ERBB4: variants seen among roughly 807,000 people sequenced by gnomAD.
ERBB4 encodes the protein erb-b2 receptor tyrosine kinase 4, also known as receptor tyrosine-protein kinase erbB-4.
A neutral mutation model predicts 158.0 loss-of-function variants in ERBB4; 42 were observed. The observed-to-expected ratio is 0.27, with a 90% confidence interval of 0.21 to 0.34. ERBB4 has a LOEUF of 0.34. Among genes scored for constraint, ERBB4 ranks in the 10% least tolerant of loss-of-function variants. The probability of loss-of-function intolerance (pLI) is 1.00; values close to 1 mark genes in which losing one functional copy is unlikely to be tolerated. For synonymous variants in ERBB4, 583 were observed against 558.7 expected (o/e 1.04, Z -0.61); for missense variants, 1,333 against 1,624.1 (o/e 0.82, Z 3.08).
intron 2 of ERBB4, among the ~76,000 whole-genome samples, chr2:211,968,170 T>C (rs963335471): frequency 6.6e-6 from 1 of 152,050 alleles, no homozygotes; most frequent in South Asian, 2.1e-4. Flanking sequence ...TTCTTTCACT[T>C]TTTTCATCTC....
intron 3 of ERBB4, among the ~76,000 whole-genome samples, chr2:211,865,385 T>G (rs1272224050): frequency 6.6e-6 from 1 of 152,184 alleles, no homozygotes; most frequent in Non-Finnish European, 1.5e-5. Context: ...ACTTATTTCT[T>G]GGAGCAGCTA....
chr2:211,386,819 G>T, intron 27 of ERBB4, 34 bp downstream of exon 27: 2 of 1,607,018 alleles, frequency 1.2e-6, no homozygotes, highest in South Asian at 2.2e-5. Flanking sequence ...AGTGAACTTC[G>T]AATGGCGATC....
intron 1 of ERBB4, among the ~76,000 whole-genome samples, chr2:212,191,034 A>ATT (rs200534259): frequency 2.8e-5 from 4 of 144,076 alleles, no homozygotes; most frequent in Admixed American, 1.4e-4. Flanking sequence ...CCCTAAGGGC[A>ATT]TTTTTTTTTT....
intron 1 of ERBB4, among the ~76,000 whole-genome samples, chr2:212,251,914 A>G (rs1457535131): frequency 1.3e-5 from 2 of 151,972 alleles, no homozygotes; most frequent in Admixed American, 6.6e-5. Context: ...TATACTGACA[A>G]TGGATCACAA....
chr2:212,476,944 C>A (rs1689435828), intron 1 of ERBB4, among the ~76,000 whole-genome samples: 1 of 152,066 alleles, frequency 6.6e-6, no homozygotes, highest in Admixed American at 6.6e-5. Flanking sequence ...AGCTTCTGTT[C>A]TTTTCATAAT....
chr2:211,550,454 G>A (rs1199036693), intron 20 of ERBB4, among the ~76,000 whole-genome samples: 3 of 151,196 alleles, frequency 2.0e-5, no homozygotes, highest in Non-Finnish European at 2.9e-5. Flanking sequence ...AGGAAATGAC[G>A]AGGAAAATTT....
chr2:212,266,177 T>C (rs62182622), intron 1 of ERBB4, among the ~76,000 whole-genome samples: 30,693 of 151,664 alleles, frequency 0.2, 4,149 homozygotes, highest in Non-Finnish European at 0.29. Flanking sequence ...TGAAATTCCT[T>C]TCATTTTCTT....
chr2:211,426,960 T>TA (rs1245888043), intron 22 of ERBB4, among the ~76,000 whole-genome samples: 1 of 152,026 alleles, frequency 6.6e-6, no homozygotes, highest in Non-Finnish European at 1.5e-5. Context: ...ATACACTTCT[T>TA]ACAATAGTTT....
chr2:211,804,020 C>G (rs1261622781), intron 3 of ERBB4, among the ~76,000 whole-genome samples: 1 of 152,132 alleles, frequency 6.6e-6, no homozygotes, highest in East Asian at 1.9e-4. Flanking sequence ...GTAGAATAAG[C>G]GTCTGGCTAT....
chr2:211,817,435 T>C (rs1265766087), intron 3 of ERBB4, among the ~76,000 whole-genome samples: 1 of 152,228 alleles, frequency 6.6e-6, no homozygotes, highest in African/African-American at 2.4e-5. Flanking sequence ...GTTATTACTC[T>C]ACTCAATATC....
At position 211,387,975 on chromosome 2, in the gene ERBB4, G is replaced by A. The variant is rs2125322787; in HGVS notation, c.3153C>T (p.Ser1051=). 6.2e-7 allele frequency: 1 copy of A among 1,606,690 alleles called. No homozygotes were observed. Among genetic ancestry groups the A allele is most frequent in the Non-Finnish European group, 8.5e-7 (1 of 1,173,422 alleles). Residue 1051 remains serine, a synonymous_variant, in exon 26 of 28, where the codon AGC becomes AGT. Coordinates refer to ENST00000342788, the MANE Select transcript of ERBB4 (RefSeq NM_005235.3). ...IDSNRSEIGH[S]PPPAYTPMSG... Reference sequence around the variant, plus strand: ...ACATGGGGGTGTAGGCAGGAGGAGGGCTGTGTCCAATTTCACTCTAATAGG... The same window carrying A: ...ACATGGGGGTGTAGGCAGGAGGAGGACTGTGTCCAATTTCACTCTAATAGG...
intron 2 of ERBB4, among the ~76,000 whole-genome samples, chr2:212,027,010 G>A (rs947411765): frequency 1.3e-5 from 2 of 151,734 alleles, no homozygotes; most frequent in African/African-American, 2.4e-5. Context: ...ATAATAATTT[G>A]TAATATTTGT....
chr2:211,823,439 A>G (rs1402599551), intron 3 of ERBB4, among the ~76,000 whole-genome samples: 1 of 151,938 alleles, frequency 6.6e-6, no homozygotes, highest in Non-Finnish European at 1.5e-5. Flanking sequence ...TGAAAAATAT[A>G]AAATATTCAT....
intron 20 of ERBB4, among the ~76,000 whole-genome samples, chr2:211,524,010 C>A (rs1031885024): frequency 1.3e-5 from 2 of 152,074 alleles, no homozygotes; most frequent in African/African-American, 2.4e-5. Context: ...AAGGCCCCAC[C>A]AGAATAGGTA....
chr2:211,487,793 C>A (rs74654817), intron 20 of ERBB4, among the ~76,000 whole-genome samples: 7 of 151,888 alleles, frequency 4.6e-5, no homozygotes, highest in Admixed American at 4.6e-4. Context: ...TAAAGGGCTG[C>A]GGGGGTTATG....
rs572074893 is a variant in ERBB4 at position 212,279,096 on chromosome 2, A to G, written c.83-154193T>C. On this transcript the variant is annotated intron_variant, in intron 1 of 27. Transcript: ENST00000342788. ...TTTGTGTGTATTTTTAATGCAACAT[A>G]ATTTGCTTAATTTTAAAATAAATAT... is the stretch of plus-strand genomic sequence containing the variant. 3.3e-5 allele frequency among the ~76,000 whole-genome samples: 5 copies of G among 151,706 alleles called. No homozygotes were observed. In the South Asian group the frequency reaches 1.0e-3, roughly 32 times the overall value.
At chr2:211,833,905 C>T (rs546334745) in intron 3 of ERBB4, among the ~76,000 whole-genome samples, 6 of 152,012 alleles carry the variant, frequency 3.9e-5, no homozygotes, top group African/African-American at 1.4e-4. Context: ...GTAGATCTGC[C>T]TGGTTGAACT....
chr2:211,676,503 A>G (rs1202396181), intron 13 of ERBB4, among the ~76,000 whole-genome samples: 1 of 152,200 alleles, frequency 6.6e-6, no homozygotes, highest in East Asian at 1.9e-4. Context: ...CATGTTTATA[A>G]ATTTCATATT....
intron 20 of ERBB4, among the ~76,000 whole-genome samples, chr2:211,507,058 G>A (rs565006867): frequency 3.6e-4 from 54 of 151,812 alleles, no homozygotes; most frequent in Non-Finnish European, 7.2e-4. Flanking sequence ...TGTAAAATAC[G>A]ATCAGAGATT....
Sources: gnomAD v4.1 joint callset for allele counts (sites outside exome capture counted in the v4.1 genomes callset) on GRCh38, gnomAD v4.1.1 for gene constraint, MANE v1.5 for transcripts, NCBI Gene and HGNC (gene_info 2026-07-23, HGNC 2026-07-21) for gene names.